The following ZNF14 variants were observed in gnomAD, a reference collection of about 807,000 sequenced individuals.
ZNF14 encodes zinc finger protein 14.
ZNF14 carries 9 observed loss-of-function variants against 11.3 expected under a neutral mutation model. The ratio of observed to expected loss-of-function variants is 0.80; its 90% CI spans 0.48 to 1.39. The LOEUF (loss-of-function observed/expected upper bound fraction) is 1.39. Ranked by LOEUF, ZNF14 falls within the 40% of genes most tolerant of loss-of-function variation. The pLI is 0.00. For synonymous variants in ZNF14, 239 were observed against 245.7 expected, an observed-to-expected ratio of 0.97 and a Z score of 0.25; for missense variants, 711 against 763.9, an observed-to-expected ratio of 0.93 and a Z score of 0.82.
rs771054173 is a variant in ZNF14, at chr19:19,712,970, T to G, written c.311A>C (p.Glu104Ala). ...KETFTGAKPHECSFCGRDFIH... is the reference protein window; with the variant it reads ...KETFTGAKPHACSFCGRDFIH... ...GAAGTCTCTTCCACAAAAGCTGCAT[T>G]CATGTGGTTTTGCTCCAGTAAAAGT... Residue 104 changes from glutamate (E) to alanine (A), a missense_variant, in exon 4 of 4, where the codon GAA becomes GCA. Transcript: ENST00000344099. 3 of 1,614,142 alleles carry G rather than the reference T, an allele frequency of 1.9e-6. No individual in the cohort carries two copies. The Admixed American group carries it at 5.0e-5, about 27-fold the overall frequency.
chr19:19,724,091 C>T (rs1357963330), intron 1 of ZNF14, among the ~76,000 whole-genome samples: 3 of 132,830 alleles, frequency 2.3e-5, no homozygotes, highest in African/African-American at 8.3e-5. Context: ...TTCAGTTCTG[C>T]TCTGATCTTA....
chr19:19,716,445 C>T (rs1205520710), intron 1 of ZNF14, among the ~76,000 whole-genome samples: 1 of 152,080 alleles, frequency 6.6e-6, no homozygotes, highest in African/African-American at 2.4e-5. Flanking sequence ...TGCACCACCA[C>T]ACCCGTCTAA....
chr19:19,712,334 A>G lies in ZNF14; in HGVS notation c.947T>C (p.Phe316Ser), dbSNP rs750576729. The change falls in exon 4 of 4, where the codon TTC becomes TCC. Residue 316 changes from phenylalanine (F) to serine (S), a missense_variant. By Grantham distance (155) the Phe-to-Ser change is radical (BLOSUM62 -2). Coordinates refer to ENST00000344099, the MANE Select transcript of ZNF14 (RefSeq NM_021030.3). ...TGCTCGAAAGCTTGCAGAATAAAAG[A>G]AGGCTTTTCCACATTCTTTACATTC... ...PYECKECGKA[F>S]FYSASFRAHV... 8 of 1,613,962 alleles carry G rather than the reference A, an allele frequency of 5.0e-6. No homozygotes were observed. Among genetic ancestry groups the G allele is most frequent in the South Asian group, 3.3e-5 (3 of 91,044 alleles).
At chr19:19,716,283 T>C (rs1267616898) in intron 1 of ZNF14, among the ~76,000 whole-genome samples, 2 of 144,492 alleles carry the variant, frequency 1.4e-5, no homozygotes, top group Non-Finnish European at 3.1e-5. Flanking sequence ...GAGATTTTAT[T>C]TTATTTATTT....
Position 19,714,362 on chromosome 19 carries a change from T to C in ZNF14, c.129A>G (p.Leu43=), listed in dbSNP as rs746565965. 2 of 1,613,948 alleles carry C rather than the reference T, an allele frequency of 1.2e-6. No individual in the cohort carries two copies. The highest frequency in any genetic ancestry group is 8.5e-7 in the Non-Finnish European group (1 of 1,179,992). ...MQETFKNLVC[L]GKKWEDQDIE... is the part of the protein sequence containing the mutation. ...GGAAAGAAATGTTGATATCCTTACCTAGACAAACCAGGTTTTTGAAGGTCT... is the reference window on the plus strand; with the variant it reads ...GGAAAGAAATGTTGATATCCTTACCCAGACAAACCAGGTTTTTGAAGGTCT... The change falls in exon 2 of 4, where the codon CTA becomes CTG. Residue 43 remains leucine, a splice_region_variant and synonymous_variant. Coordinates refer to ENST00000344099, the MANE Select transcript of ZNF14 (RefSeq NM_021030.3).
At chr19:19,719,021 C>T (rs1276759640) in intron 1 of ZNF14, among the ~76,000 whole-genome samples, 1 of 152,158 alleles carries the variant, frequency 6.6e-6, no homozygotes, top group African/African-American at 2.4e-5. Flanking sequence ...CCACCTCGAC[C>T]TCCCAAAGGG....
At chr19:19,714,713 CTTT>C (rs3031866) in intron 1 of ZNF14, among the ~76,000 whole-genome samples, 1 of 122,836 alleles carries the variant, frequency 8.1e-6, no homozygotes, top group Admixed American at 8.6e-5. Context: ...TTTTCTTTTT[CTTT>C]TTTTTTTTTT....
rs752488845 is a variant in ZNF14, at chr19:19,711,781, C to G, written c.1500G>C (p.Glu500Asp). The G allele has an allele frequency of 1.9e-6, 3 of 1,613,658 alleles. No individual in the cohort carries two copies. The highest frequency in any genetic ancestry group is 1.7e-5 in the Admixed American group (1 of 60,006). Residue 500 changes from glutamate to aspartate, a missense_variant, in exon 4 of 4, where the codon GAG becomes GAC. Physicochemically the swap from Glu to Asp is conservative, Grantham distance 45. Coordinates refer to ENST00000344099, the MANE Select transcript of ZNF14 (RefSeq NM_021030.3). ...CGCATAGTTTACATTCATAGGGTTT[C>G]TCTCCAGTGTGTGTTCTTTCATGCA... ...FRLHERTHTG[E>D]KPYECKLCGK... is the part of the protein sequence containing the mutation.
chr19:19,714,623 C>T (rs112215404), intron 1 of ZNF14, 136 bp from the exon 2 acceptor site: 40,255 of 887,998 alleles, frequency 0.045, 1,164 homozygotes, highest in South Asian at 0.06. Context: ...GTCAGAACTA[C>T]GACTGTCCAC....
rs761059863 is a variant in ZNF14, at chr19:19,711,440, G to A, written c.1841C>T (p.Pro614Leu). Residue 614 changes from proline (P) to leucine (L), a missense_variant, in exon 4 of 4, where the codon CCT (proline) becomes CTT (leucine). Transcript: ENST00000344099. ...TTTTCCACATTGTTTGCATTCATAA[G>A]GTTTCTCTCCAGTGTGAGACCTTTC... is the stretch of plus-strand genomic sequence containing the variant. ...IHERSHTGEK[P>L]YECKQCGKAF... is the part of the protein sequence containing the mutation. The A allele has an allele frequency of 4.3e-6, 7 of 1,610,230 alleles. No homozygotes were observed. Among genetic ancestry groups the A allele is most frequent in the Middle Eastern group, 1.7e-4 (1 of 6,038 alleles).
intron 1 of ZNF14, among the ~76,000 whole-genome samples, chr19:19,718,044 T>G (rs1455686159): frequency 6.6e-6 from 1 of 152,156 alleles, no homozygotes; most frequent in Non-Finnish European, 1.5e-5. Context: ...AACCTCACAC[T>G]CAAGGCCTAT....
chr19:19,712,029 GTT>G lies in ZNF14; in HGVS notation c.1250_1251del (p.Lys417ThrfsTer3). On this transcript the variant is annotated frameshift_variant, in exon 4 of 4. Coordinates refer to ENST00000344099, the MANE Select transcript of ZNF14 (RefSeq NM_021030.3). LOFTEE classifies it low-confidence loss of function (END_TRUNC). The part of the protein sequence containing the change: ...REHETTHTGE[K>X]PYECKQCGKT... ...TTACCACATTGTTTACATTCATAGGGTTTCTCTCCAGTGTGAGTTGTTTCGTG... is the reference window on the plus strand; with the variant it reads ...TTACCACATTGTTTACATTCATAGGGTCTCTCCAGTGTGAGTTGTTTCGTG... 6.2e-7 allele frequency: 1 copy of G among 1,613,992 alleles called. No individual in the cohort carries two copies. Among genetic ancestry groups the G allele is most frequent in the Non-Finnish European group, 8.5e-7 (1 of 1,180,002 alleles).
At chr19:19,722,054 T>C (rs1442446712) in intron 1 of ZNF14, among the ~76,000 whole-genome samples, 1 of 151,952 alleles carries the variant, frequency 6.6e-6, no homozygotes, top group Non-Finnish European at 1.5e-5. Flanking sequence ...CTGCTAGTCA[T>C]CAGAGTGACT....
At chr19:19,728,515 CAAA>C (rs56355771) in intron 1 of ZNF14, among the ~76,000 whole-genome samples, 1 of 53,914 alleles carries the variant, frequency 1.9e-5, no homozygotes. Flanking sequence ...AACTCCGTCT[CAAA>C]AAAAAAAAAA....
chr19:19,720,952 C>T lies in ZNF14; in HGVS notation c.4-6465G>A, dbSNP rs1000988119. On this transcript the variant is annotated intron_variant, in intron 1 of 3. Coordinates refer to ENST00000344099, the MANE Select transcript of ZNF14 (RefSeq NM_021030.3). The surrounding 1 kb of genome is among the most constrained non-coding windows in gnomAD (Gnocchi z 4.1). ...TCATAAGAACAACCTCCTACTCTTA[C>T]TTTATTTATTTATTGATTTTTTTGA... Among the ~76,000 whole-genome samples, 5 of 140,766 alleles carry T rather than the reference C, an allele frequency of 3.6e-5. No individual in the cohort carries two copies. Among genetic ancestry groups the T allele is most frequent in the Non-Finnish European group, 8.1e-5 (5 of 61,794 alleles). The allele number at this position is 140,766 out of a possible 152,430, so 92.3% of individuals were successfully genotyped here. A position where few individuals can be genotyped will look rare whatever the true frequency, so the allele number is the denominator to read the frequency against.
Position 19,711,824 on chromosome 19 carries a change from C to A in ZNF14, c.1457G>T (p.Arg486Leu), listed in dbSNP as rs756566767. 4.3e-6 allele frequency: 7 copies of A among 1,611,720 alleles called. No homozygotes were observed. In the East Asian group the frequency reaches 1.1e-4, roughly 26 times the overall value. Residue 486 changes from arginine to leucine, a missense_variant, in exon 4 of 4, where the codon CGT (arginine) becomes CTT (leucine). By Grantham distance (102) the Arg-to-Leu change is moderately radical (BLOSUM62 -2). Transcript: ENST00000344099. ...ECKQCGKVFI[R>L]SSSFRLHERT... ...TTCATGCAGTCGAAAGGAACTGGAA[C>A]GAATGAAAACTTTTCCACACTGTTT...
chr19:19,726,468 C>T (rs1385574225), intron 1 of ZNF14, among the ~76,000 whole-genome samples: 1 of 133,626 alleles, frequency 7.5e-6, no homozygotes, highest in South Asian at 2.4e-4. Flanking sequence ...GAGGGGCACC[C>T]GGCTGTATGA....
At chr19:19,731,913 A>G (rs1039952269) in intron 1 of ZNF14, among the ~76,000 whole-genome samples, 8 of 152,048 alleles carry the variant, frequency 5.3e-5, no homozygotes, top group Non-Finnish European at 7.4e-5. Flanking sequence ...TAAAAATACA[A>G]AAAAATTAGC....
In ZNF14 at chr19:19,721,204, C is replaced by T. The variant is rs540386903; in HGVS notation, c.4-6717G>A. 4.1e-3 allele frequency among the ~76,000 whole-genome samples: 624 copies of T among 152,272 alleles called. 7 individuals carry two copies. Among genetic ancestry groups the T allele is most frequent in the African/African-American group, 0.014 (587 of 41,548 alleles). On this transcript the variant is annotated intron_variant, in intron 1 of 3. Coordinates refer to ENST00000344099, the MANE Select transcript of ZNF14 (RefSeq NM_021030.3). The stretch of plus-strand genomic sequence containing the variant: ...AACTCCTGACCTCATGATCTGCCCG[C>T]CTTGGCCTCCCAAAGTGCTAGGATT...
Sources: gnomAD v4.1 joint callset for allele counts (sites outside exome capture counted in the v4.1 genomes callset) on GRCh38, gnomAD v4.1.1 for gene constraint, Gnocchi (gnomAD v3.1) non-coding constraint, MANE v1.5 for transcripts, NCBI Gene and HGNC (gene_info 2026-07-23, HGNC 2026-07-21) for gene names.